The following RMDN2 variants were observed in gnomAD, a reference collection of about 807,000 sequenced individuals.
RMDN2 encodes regulator of microtubule dynamics 2.
RMDN2 carries 61 observed loss-of-function variants against 52.8 expected under a neutral mutation model. That is an observed-to-expected ratio of 1.16 (90% CI 0.94 to 1.43). The LOEUF (loss-of-function observed/expected upper bound fraction) is 1.43. Among genes scored for constraint, RMDN2 ranks in the 40% most tolerant of loss-of-function variants. The probability of loss-of-function intolerance (pLI) is 0.00; values close to 1 mark genes in which losing one functional copy is unlikely to be tolerated. For missense variants in RMDN2, 592 were observed against 475.3 expected (o/e 1.25, Z -2.28); for synonymous variants, 180 against 153.1 (o/e 1.18, Z -1.30).
In RMDN2 at chr2:37,927,345, C is replaced by G. The variant is rs369985007; in HGVS notation, c.-16-1917C>G. On this transcript the variant is annotated intron_variant, in intron 1 of 10. Coordinates refer to ENST00000354545, the MANE Select transcript of RMDN2 (RefSeq NM_001170791.3). ...AGTTGGGTGATCACTGGGTAAGTGA[C>G]TTGACACCTGTGTGCCTCAGTTCAC... 5.3e-5 allele frequency among the ~76,000 whole-genome samples: 8 copies of G among 152,262 alleles called. No individual in the cohort carries two copies. In the South Asian group the frequency reaches 1.0e-3, roughly 20 times the overall value.
At chr2:37,967,816 A>T (rs531064489) in intron 2 of RMDN2, among the ~76,000 whole-genome samples, 27 of 152,228 alleles carry the variant, frequency 1.8e-4, no homozygotes, top group South Asian at 8.3e-4. Context: ...CTTAAAAAAA[A>T]TTTTTTAAAG....
At chr2:37,980,400 A>G (rs969569254) in intron 4 of RMDN2, among the ~76,000 whole-genome samples, 2 of 151,944 alleles carry the variant, frequency 1.3e-5, no homozygotes, top group African/African-American at 2.4e-5. Context: ...GCCTCCTGGG[A>G]TCAAGTGATT....
At chr2:37,957,778 G>A (rs1227744234) in intron 2 of RMDN2, among the ~76,000 whole-genome samples, 2 of 152,074 alleles carry the variant, frequency 1.3e-5, no homozygotes, top group African/African-American at 4.8e-5. Context: ...ATGGCTTTAG[G>A]TTTAATCATT....
upstream of RMDN2, among the ~76,000 whole-genome samples, chr2:37,923,575 T>C (rs772630751): frequency 5.3e-5 from 8 of 152,240 alleles, no homozygotes; most frequent in Non-Finnish European, 1.2e-4. Context: ...AAAATTGTTT[T>C]GCATGATCGG....
chr2:37,980,044 T>C (rs2125095282), intron 4 of RMDN2, among the ~76,000 whole-genome samples: 1 of 152,300 alleles, frequency 6.6e-6, no homozygotes, highest in South Asian at 2.1e-4. Flanking sequence ...AATGCCACCT[T>C]AACAAATTAA....
At chr2:37,970,011 C>T (rs1161317785) in intron 2 of RMDN2, among the ~76,000 whole-genome samples, 1 of 152,084 alleles carries the variant, frequency 6.6e-6, no homozygotes, top group East Asian at 1.9e-4. Flanking sequence ...TAGCTTACTG[C>T]AGCCTCAACT....
rs1678925010 is a variant in RMDN2, at chr2:38,017,206, G to C, written c.1200G>C (p.Glu400Asp). Residue 400 changes from glutamate to aspartate, a missense_variant, in exon 11 of 11, where the codon GAG becomes GAC. Coordinates refer to ENST00000354545, the MANE Select transcript of RMDN2 (RefSeq NM_001170791.3). ...VTKEDKEAQK[E>D]MQKIMTSLKR is the part of the protein sequence containing the mutation. ...TATAGGATAAAGAGGCACAGAAAGA[G>C]ATGCAAAAAATAATGACTTCCTTGA... 2 of 1,532,540 alleles carry C rather than the reference G, an allele frequency of 1.3e-6. No homozygotes were observed. The highest frequency in any genetic ancestry group is 4.1e-5 in the Admixed American group (2 of 48,792). 94.9% of individuals were successfully genotyped at this position (1,532,540 alleles called of 1,614,324 possible). A position where few individuals can be genotyped will look rare whatever the true frequency, so the allele number is the denominator to read the frequency against.
At position 38,063,019 on chromosome 2, in the gene RMDN2, G is replaced by A. The variant is rs369036792; in HGVS notation, c.1714-3963G>A. 4.2e-4 allele frequency among the ~76,000 whole-genome samples: 64 copies of A among 152,154 alleles called. No individual in the cohort carries two copies. In the East Asian group the frequency reaches 9.3e-3, roughly 22 times the overall value. On this transcript the variant is annotated intron_variant, in intron 10 of 10. Transcript: ENST00000234195. ...TATTTTCTTAATCCAGTCTATCGTT[G>A]TTGGACATTTGGGTTGGTTCCAAGT... is the stretch of plus-strand genomic sequence containing the variant.
chr2:37,922,616 C>A (rs1258542999), upstream of RMDN2, among the ~76,000 whole-genome samples: 1 of 152,200 alleles, frequency 6.6e-6, no homozygotes, highest in East Asian at 1.9e-4. Context: ...CTCACAAACA[C>A]ACAGTCACTG....
At chr2:38,061,259 G>A (rs1682035733) in intron 10 of RMDN2, among the ~76,000 whole-genome samples, 2 of 151,944 alleles carry the variant, frequency 1.3e-5, no homozygotes, top group Non-Finnish European at 2.9e-5. Context: ...TATCAGATTT[G>A]CTTCAGTGCT....
chr2:37,978,965 T>G (rs1672947320), intron 4 of RMDN2, among the ~76,000 whole-genome samples: 1 of 152,196 alleles, frequency 6.6e-6, no homozygotes, highest in African/African-American at 2.4e-5. Context: ...AATGGGAGTT[T>G]AACTGAGTTA....
In RMDN2 at chr2:38,003,575, G is replaced by GATAA. The variant is rs34201077; in HGVS notation, c.1045-413_1045-412insAATA. Among the ~76,000 whole-genome samples, 11 of 151,648 alleles carry GATAA rather than the reference G, an allele frequency of 7.3e-5. No individual in the cohort carries two copies. In the East Asian group the frequency reaches 2.1e-3, roughly 30 times the overall value. On this transcript the variant is annotated intron_variant, in intron 8 of 10. Transcript: ENST00000354545. The stretch of plus-strand genomic sequence containing the variant: ...AGATAGATAGATAGATAGATAGATA[G>GATAA]ATAGATAGATAGATAGATAGATAGA...
intron 2 of RMDN2, among the ~76,000 whole-genome samples, chr2:37,934,790 A>G (rs1177239076): frequency 6.6e-6 from 1 of 152,058 alleles, no homozygotes; most frequent in Non-Finnish European, 1.5e-5. Context: ...TATTTCTGAA[A>G]ACTTTTCAGT....
chr2:37,993,214 C>T (rs545639165), intron 7 of RMDN2, among the ~76,000 whole-genome samples: 51 of 152,264 alleles, frequency 3.3e-4, no homozygotes, highest in Admixed American at 6.5e-4. Context: ...CATGAACCAC[C>T]GCACCTGGCC....
chr2:37,937,924 A>G (rs568206704), intron 2 of RMDN2, among the ~76,000 whole-genome samples: 18 of 152,322 alleles, frequency 1.2e-4, no homozygotes, highest in South Asian at 1.0e-3. Context: ...TTCCAGTGCT[A>G]TGTTGAATAG....
chr2:37,995,690 C>T (rs936386862), intron 7 of RMDN2, among the ~76,000 whole-genome samples: 1 of 152,122 alleles, frequency 6.6e-6, no homozygotes, highest in Admixed American at 6.5e-5. Flanking sequence ...GAATAGACAT[C>T]TTTTCAAGCA....
In RMDN2 at chr2:38,004,029, C is replaced by T. The variant is rs1256891073; in HGVS notation, c.1083C>T (p.Tyr361=). ...ELCPGYSNPN[Y]MYLAKCYTDL... The stretch of plus-strand genomic sequence containing the variant: ...GCCCTGGTTATTCTAATCCCAATTA[C>T]ATGTACTTAGCAAAGGTAATGAAGA... Residue 361 remains tyrosine, a synonymous_variant, in exon 9 of 11, where the codon TAC becomes TAT. Coordinates refer to ENST00000354545, the MANE Select transcript of RMDN2 (RefSeq NM_001170791.3). 6.2e-7 allele frequency: 1 copy of T among 1,613,180 alleles called. No individual in the cohort carries two copies. Among genetic ancestry groups the T allele is most frequent in the African/African-American group, 1.3e-5 (1 of 74,918 alleles).
intron 2 of RMDN2, among the ~76,000 whole-genome samples, chr2:37,941,770 A>G (rs1667809041): frequency 6.6e-6 from 1 of 152,182 alleles, no homozygotes; most frequent in African/African-American, 2.4e-5. Context: ...TCCCAGGTTG[A>G]CTTCAGACTG....
intron 2 of RMDN2, among the ~76,000 whole-genome samples, chr2:37,963,738 A>G (rs1250879125): frequency 6.6e-6 from 1 of 152,090 alleles, no homozygotes; most frequent in Non-Finnish European, 1.5e-5. Context: ...CACAGCAACA[A>G]TCTGATTTCT....
Sources: gnomAD v4.1 joint callset for allele counts (sites outside exome capture counted in the v4.1 genomes callset) on GRCh38, gnomAD v4.1.1 for gene constraint, MANE v1.5 for transcripts, NCBI Gene and HGNC (gene_info 2026-07-23, HGNC 2026-07-21) for gene names.